Variants in OR2T11 observed in about 807,000 individuals in gnomAD.
OR2T11 encodes olfactory receptor family 2 subfamily T member 11, also known as olfactory receptor 2T11.
Under a neutral mutation model 13.5 loss-of-function variants are expected in OR2T11, and 14 were observed. The observed-to-expected ratio is 1.04, with a 90% CI of 0.69 to 1.62. The LOEUF (loss-of-function observed/expected upper bound fraction) is 1.62. OR2T11 is among the 40% of genes most tolerant of loss of function. The pLI is 0.00. For synonymous variants in OR2T11, 163 were observed against 154.6 expected (o/e 1.05, Z -0.40); for missense variants, 410 against 389.7 (o/e 1.05, Z -0.44).
chr1:248,626,325 G>A lies in OR2T11; in HGVS notation c.804C>T (p.Asp268=), dbSNP rs540848694. Residue 268 remains aspartate, a synonymous_variant, in exon 2 of 2, where the codon GAC becomes GAT. Transcript: ENST00000641193. ...LPQSFHTPEQ[D]KVVSAFYTIV... ...TGGTATAGAAGGCTGACACTACTTT[G>A]TCCTGCTCGGGGGTGTGGAAGGACT... 1.1e-5 allele frequency: 17 copies of A among 1,572,764 alleles called. 1 individual carries two copies. The Admixed American group carries it at 1.7e-4, about 16-fold the overall frequency.
At position 248,627,137 on chromosome 1, in the gene OR2T11, C is replaced by A. The variant is rs1222150360; in HGVS notation, c.-9G>T. 4.8e-6 allele frequency: 7 copies of A among 1,450,742 alleles called. No homozygotes were observed. The highest frequency in any genetic ancestry group is 5.7e-6 in the Non-Finnish European group (6 of 1,052,592). 89.9% of individuals were successfully genotyped at this position (1,450,742 alleles called of 1,614,324 possible). ...GATGATGTGTTCGTCATTGATATGGCCCACGAGCGTCCCAGGGCAACGGGA... is the reference window on the plus strand; with the variant it reads ...GATGATGTGTTCGTCATTGATATGGACCACGAGCGTCCCAGGGCAACGGGA... On this transcript the variant is annotated 5_prime_UTR_variant, in exon 2 of 2. Transcript: ENST00000641193.
Position 248,634,350 on chromosome 1 carries a change from A to G in OR2T11, c.-145+688T>C, listed in dbSNP as rs1427761603. Among the ~76,000 whole-genome samples, 8 of 131,048 alleles carry G rather than the reference A, an allele frequency of 6.1e-5. 3 individuals carry two copies. Among genetic ancestry groups the G allele is most frequent in the African/African-American group, 2.5e-4 (8 of 31,990 alleles). 86.0% of individuals were successfully genotyped at this position (131,048 alleles called of 152,430 possible). On this transcript the variant is annotated intron_variant, in intron 1 of 1. Transcript: ENST00000641193. ...GAGTTGAAGCTACAGGTATTTATTT[A>G]CCATTTTATATTCTTAGCTAGTTGT...
chr1:248,630,020 A>AGT (rs1660581838), intron 1 of OR2T11, among the ~76,000 whole-genome samples: 1 of 39,276 alleles, frequency 2.5e-5, no homozygotes, highest in Non-Finnish European at 8.3e-5. Context: ...TATTTTGTTA[A>AGT]CTGTACTCTC....
chr1:248,628,276 T>C (rs1275736660), intron 1 of OR2T11, among the ~76,000 whole-genome samples: 3 of 143,238 alleles, frequency 2.1e-5, no homozygotes, highest in African/African-American at 5.5e-5. Flanking sequence ...ATTTAACTGT[T>C]AGACAAGAGA....
In OR2T11 at chr1:248,626,360, C is replaced by A. The variant is rs139227153; in HGVS notation, c.769G>T (p.Val257Leu). 9.3e-5 allele frequency: 147 copies of A among 1,572,746 alleles called. 12 individuals carry two copies. Among genetic ancestry groups the A allele is most frequent in the Non-Finnish European group, 1.2e-4 (136 of 1,156,552 alleles). ...GGGGTGTGGAAGGACTGGGGCAGCA[C>A]GTATGTGTAGAAGGCAGCCCCATAG... Reference protein sequence around the residue: ...IFYGAAFYTYVLPQSFHTPEQ... With the variant: ...IFYGAAFYTYLLPQSFHTPEQ... The change falls in exon 2 of 2, where the codon GTG becomes TTG. Residue 257 changes from valine to leucine, a missense_variant. Physicochemically the swap from Val to Leu is conservative, Grantham distance 32. Transcript: ENST00000641193.
rs1892442 is a variant in OR2T11 at position 248,626,203 on chromosome 1, T to C, written c.926A>G (p.Gln309Arg). ...KKVFACCSSA[Q>R]KVATSDA ...CTAAGCATCACTTGTTGCTACTTTC[T>C]GAGCAGATGAGCAACATGCAAATAC... is the stretch of plus-strand genomic sequence containing the variant. The change falls in exon 2 of 2, where the codon CAG (glutamine) becomes CGG (arginine). Residue 309 changes from glutamine (Q) to arginine (R), a missense_variant. Coordinates refer to ENST00000641193, the MANE Select transcript of OR2T11 (RefSeq NM_001001964.2). 0.99 allele frequency: 1,518,894 copies of C among 1,541,904 alleles called. 751,906 individuals are homozygous for C. Among genetic ancestry groups the C allele is most frequent in the East Asian group, 1 (43,489 of 43,498 alleles).
rs1242916564 is a variant in OR2T11 at position 248,625,583 on chromosome 1, C to T, written c.*595G>A. 6.9e-6 allele frequency: 1 copy of T among 144,430 alleles called. No individual in the cohort carries two copies. Among genetic ancestry groups the T allele is most frequent in the Non-Finnish European group, 1.5e-5 (1 of 66,866 alleles). The allele number at this position is 144,430 out of a possible 1,614,324, so 8.9% of individuals were successfully genotyped here. On this transcript the variant is annotated 3_prime_UTR_variant, in exon 2 of 2. Coordinates refer to ENST00000641193, the MANE Select transcript of OR2T11 (RefSeq NM_001001964.2). ...GTGTCATGCTGAACCTCCACCCATT[C>T]ATACTCAGTTCTGTTCAATTCACCA...
At chr1:248,629,385 C>A (rs1281462634) in intron 1 of OR2T11, among the ~76,000 whole-genome samples, 1 of 127,434 alleles carries the variant, frequency 7.8e-6, no homozygotes, top group Admixed American at 7.9e-5. Flanking sequence ...AGAGCAAGAC[C>A]CTGTTTCTAA....
rs1220570837 is a variant in OR2T11, at chr1:248,626,439, A to G, written c.690T>C (p.Gly230=). 1 of 1,571,804 alleles carries G rather than the reference A, an allele frequency of 6.4e-7. No homozygotes were observed. Among genetic ancestry groups the G allele is most frequent in the Non-Finnish European group, 8.7e-7 (1 of 1,155,966 alleles). Residue 230 remains glycine (G), a synonymous_variant, in exon 2 of 2, where the codon GGT becomes GGC. Coordinates refer to ENST00000641193, the MANE Select transcript of OR2T11 (RefSeq NM_001001964.2). ...AACAAGTGGTGAAGGCCTTTTTGCG[A>G]CCTTCAGCAGAGGGCATGCGGTGGA... is the stretch of plus-strand genomic sequence containing the variant. ...LTIHRMPSAE[G]RKKAFTTCSS...
Position 248,626,211 on chromosome 1 carries a change from T to G in OR2T11, c.918A>C (p.Ser306=), listed in dbSNP as rs1660514410. 2.4e-5 allele frequency: 37 copies of G among 1,553,468 alleles called. 2 individuals carry two copies. The highest frequency in any genetic ancestry group is 3.2e-5 in the Non-Finnish European group (37 of 1,138,868). The change falls in exon 2 of 2, where the codon TCA becomes TCC. Residue 306 remains serine, a synonymous_variant. Coordinates refer to ENST00000641193, the MANE Select transcript of OR2T11 (RefSeq NM_001001964.2). The stretch of plus-strand genomic sequence containing the variant: ...CACTTGTTGCTACTTTCTGAGCAGA[T>G]GAGCAACATGCAAATACCTTTTTAA... The part of the protein sequence containing the change: ...GAFKKVFACC[S]SAQKVATSDA
intron 1 of OR2T11, among the ~76,000 whole-genome samples, chr1:248,630,302 C>A (rs1660590185): frequency 7.0e-6 from 1 of 142,954 alleles, no homozygotes; most frequent in South Asian, 2.2e-4. Context: ...AAATAAATAA[C>A]AAGTTTCTAA....
intron 1 of OR2T11, among the ~76,000 whole-genome samples, chr1:248,629,026 TAATAG>T (rs1304145126): frequency 5.6e-5 from 8 of 143,908 alleles, no homozygotes. Context: ...AAAAACTTCC[TAATAG>T]AATTAACCCA....
In OR2T11 at chr1:248,625,553, T is replaced by C. The variant is rs1460149842; in HGVS notation, c.*625A>G. ...AGTGTTAGAGTCTATTCCCTGTGAG[T>C]AGCTGTGTCATGCTGAACCTCCACC... On this transcript the variant is annotated 3_prime_UTR_variant, in exon 2 of 2. Transcript: ENST00000641193. The C allele has an allele frequency of 6.9e-6, 1 of 143,968 alleles. No homozygotes were observed. The highest frequency in any genetic ancestry group is 2.7e-5 in the African/African-American group (1 of 36,532). The allele number at this position is 143,968 out of a possible 1,614,324, so 8.9% of individuals were successfully genotyped here. A position where few individuals can be genotyped will look rare whatever the true frequency, so the allele number is the denominator to read the frequency against.
rs936844945 is a variant in OR2T11, at chr1:248,632,424, G to A, written c.-145+2614C>T. On this transcript the variant is annotated intron_variant, in intron 1 of 1. Transcript: ENST00000641193. ...TCTTATGGTGATGTTTACTTTTGTTGTAACACACTAGATCACTTTCTTAGA... is the reference window on the plus strand; with the variant it reads ...TCTTATGGTGATGTTTACTTTTGTTATAACACACTAGATCACTTTCTTAGA... Among the ~76,000 whole-genome samples the A allele has an allele frequency of 6.7e-5, 9 of 134,958 alleles. 2 individuals are homozygous for A. The highest frequency in any genetic ancestry group is 2.7e-4 in the African/African-American group (9 of 33,278). 88.5% of individuals were successfully genotyped at this position (134,958 alleles called of 152,430 possible).
Position 248,627,139 on chromosome 1 carries a change from C to T in OR2T11, c.-11G>A, listed in dbSNP as rs201175800. The stretch of plus-strand genomic sequence containing the variant: ...TGATGTGTTCGTCATTGATATGGCC[C>T]ACGAGCGTCCCAGGGCAACGGGAAG... On this transcript the variant is annotated 5_prime_UTR_variant, in exon 2 of 2. Coordinates refer to ENST00000641193, the MANE Select transcript of OR2T11 (RefSeq NM_001001964.2). 5 of 1,437,648 alleles carry T rather than the reference C, an allele frequency of 3.5e-6. 1 individual carries two copies. In the African/African-American group the frequency reaches 8.0e-5, roughly 23 times the overall value. 89.1% of individuals were successfully genotyped at this position (1,437,648 alleles called of 1,614,324 possible).
In OR2T11 at chr1:248,634,169, C is replaced by T. The variant is rs574262882; in HGVS notation, c.-145+869G>A. On this transcript the variant is annotated intron_variant, in intron 1 of 1. Transcript: ENST00000641193. ...GCCTTCTAAAGTGAAAGTTTTCATTCGTTTATTACACTAGTATTTATTAAG... is the reference window on the plus strand; with the variant it reads ...GCCTTCTAAAGTGAAAGTTTTCATTTGTTTATTACACTAGTATTTATTAAG... Among the ~76,000 whole-genome samples, 322 of 141,816 alleles carry T rather than the reference C, an allele frequency of 2.3e-3. 67 individuals are homozygous for T. Among genetic ancestry groups the T allele is most frequent in the African/African-American group, 8.8e-3 (313 of 35,638 alleles). 93.0% of individuals were successfully genotyped at this position (141,816 alleles called of 152,430 possible).
rs994851499 is a variant in OR2T11, at chr1:248,624,682, T to C, written c.*1496A>G. 1.4e-5 allele frequency: 2 copies of C among 144,262 alleles called. No individual in the cohort carries two copies. Among genetic ancestry groups the C allele is most frequent in the African/African-American group, 5.4e-5 (2 of 36,742 alleles). 8.9% of individuals were successfully genotyped at this position (144,262 alleles called of 1,614,324 possible). ...TAAATGTATGCTTTATGTTCAGAAC[T>C]CTAATCTGAAGTACAATTGACTTTA... On this transcript the variant is annotated 3_prime_UTR_variant, in exon 2 of 2. Coordinates refer to ENST00000641193, the MANE Select transcript of OR2T11 (RefSeq NM_001001964.2).
At chr1:248,630,113 ATTT>A (rs869027338) in intron 1 of OR2T11, among the ~76,000 whole-genome samples, 1 of 13,636 alleles carries the variant, frequency 7.3e-5, no homozygotes, top group Non-Finnish European at 4.3e-4. Flanking sequence ...AATGCAAATT[ATTT>A]TATGCTTTTT....
At chr1:248,631,300 T>C in intron 1 of OR2T11, among the ~76,000 whole-genome samples, 2 of 143,480 alleles carry the variant, frequency 1.4e-5, no homozygotes, top group Non-Finnish European at 3.0e-5. Context: ...GTGTAGTGCT[T>C]CTTGCTGGGT....
Sources: allele counts gnomAD v4.1 joint callset (sites outside exome capture counted in the v4.1 genomes callset), GRCh38; gene constraint gnomAD v4.1.1; transcripts MANE v1.5; gene names NCBI Gene and HGNC (gene_info 2026-07-23, HGNC 2026-07-21).